The following SND1 variants were observed in gnomAD, a reference collection of about 807,000 sequenced individuals.
The protein encoded by SND1 is staphylococcal nuclease domain-containing protein 1.
SND1 carries 38 observed loss-of-function variants against 121.7 expected under a neutral mutation model. The ratio of observed to expected loss-of-function variants is 0.31; its 90% CI spans 0.24 to 0.41. SND1 has a LOEUF of 0.41. SND1 is among the 10% of genes least tolerant of loss of function. The pLI, the probability that SND1 is intolerant of heterozygous loss-of-function variation, is 1.00. For synonymous variants in SND1, 401 were observed against 447.4 expected (o/e 0.90, Z 1.31); for missense variants, 868 against 1,184.6 (o/e 0.73, Z 3.92).
chr7:127,787,368 G>C (rs892146577), intron 10 of SND1, among the ~76,000 whole-genome samples: 6 of 152,100 alleles, frequency 3.9e-5, no homozygotes, highest in Non-Finnish European at 7.4e-5. Context: ...CCAAGTACCT[G>C]GTTCTACAGC....
chr7:127,746,460 AG>A (rs780904767), intron 10 of SND1, among the ~76,000 whole-genome samples: 4 of 152,136 alleles, frequency 2.6e-5, no homozygotes, highest in Non-Finnish European at 4.4e-5. Context: ...TTATGATTTG[AG>A]GTGGGAGTGA....
chr7:127,746,481 A>G (rs1796984874), intron 10 of SND1, among the ~76,000 whole-genome samples: 1 of 152,182 alleles, frequency 6.6e-6, no homozygotes, highest in Admixed American at 6.5e-5. Context: ...AATAGCAGGA[A>G]CCAATGAATG....
At chr7:127,764,056 A>AAAAAAAAAAAAAAAAAAAAAAAAAC (rs1554422863) in intron 10 of SND1, among the ~76,000 whole-genome samples, 8 of 135,262 alleles carry the variant, frequency 5.9e-5, no homozygotes, top group Non-Finnish European at 8.1e-5. Context: ...AAAAAAACAA[A>AAAAAAAAAAAAAAAAAAAAAAAAAC]AAAACAAAAA....
intron 16 of SND1, among the ~76,000 whole-genome samples, chr7:127,994,609 AGCCT>A (rs1407951102): frequency 7.2e-6 from 1 of 139,546 alleles, no homozygotes; most frequent in African/African-American, 2.6e-5. Flanking sequence ...CTTTCTTTCT[AGCCT>A]GACTCCGCTG....
At chr7:127,714,162 C>T (rs1796345651) in intron 9 of SND1, among the ~76,000 whole-genome samples, 1 of 152,122 alleles carries the variant, frequency 6.6e-6, no homozygotes, top group Non-Finnish European at 1.5e-5. Context: ...AGGCTTCTTG[C>T]TTGGTCCTCT....
At chr7:127,941,624 G>A (rs3808078) in intron 15 of SND1, among the ~76,000 whole-genome samples, 43,063 of 152,018 alleles carry the variant, frequency 0.28, 7,635 homozygotes, top group East Asian at 0.7. Flanking sequence ...TCTTCTCTGT[G>A]TGTGTTTTGG....
intron 4 of SND1, 94 bp downstream of exon 4, chr7:127,699,047 G>T (rs576622173): frequency 1.3e-4 from 120 of 948,380 alleles, no homozygotes; most frequent in Middle Eastern, 7.5e-4. Context: ...AACTGCAGGG[G>T]CTTTCACACC....
chr7:127,710,470 A>G (rs936565794), intron 9 of SND1, among the ~76,000 whole-genome samples: 1 of 151,114 alleles, frequency 6.6e-6, no homozygotes, highest in African/African-American at 2.4e-5. Flanking sequence ...AAAAGTCAGC[A>G]ATGTTCTTAG....
intron 15 of SND1, among the ~76,000 whole-genome samples, chr7:127,958,881 A>G (rs1801661229): frequency 6.6e-6 from 1 of 152,186 alleles, no homozygotes; most frequent in South Asian, 2.1e-4. Flanking sequence ...ACACATAGAA[A>G]GTGTCACCTG....
intron 15 of SND1, among the ~76,000 whole-genome samples, chr7:127,983,885 A>C (rs1292205678): frequency 6.6e-6 from 1 of 152,078 alleles, no homozygotes. Flanking sequence ...CCCCACACTA[A>C]GTTTTTCCGA....
At position 128,075,939 on chromosome 7, in the gene SND1, A is replaced by G. The variant is rs61391940; in HGVS notation, c.1968+1249A>G. ...CACCCCCATGTCCTCTGCCTGCTGC[A>G]GGGAGAGGGGGGGAGGGGCAGCGCT... On this transcript the variant is annotated intron_variant, in intron 17 of 23. Coordinates refer to ENST00000354725, the MANE Select transcript of SND1 (RefSeq NM_014390.4). Among the ~76,000 whole-genome samples the G allele has an allele frequency of 5.7e-3, 863 of 152,314 alleles. 13 individuals are homozygous for G. Among genetic ancestry groups the G allele is most frequent in the African/African-American group, 0.02 (823 of 41,572 alleles).
At chr7:128,018,995 T>A (rs1161811239) in intron 16 of SND1, among the ~76,000 whole-genome samples, 1 of 152,204 alleles carries the variant, frequency 6.6e-6, no homozygotes, top group Admixed American at 6.5e-5. Flanking sequence ...TTACTTCCCA[T>A]GAACTTATTA....
intron 11 of SND1, among the ~76,000 whole-genome samples, chr7:127,807,888 C>T (rs1414564887): frequency 6.6e-6 from 1 of 152,142 alleles, no homozygotes; most frequent in Non-Finnish European, 1.5e-5. Context: ...CTCCAGCCAC[C>T]TTCATTAAAT....
intron 1 of SND1, among the ~76,000 whole-genome samples, chr7:127,679,796 A>C (rs755216977): frequency 1.1e-4 from 16 of 152,200 alleles, no homozygotes; most frequent in Non-Finnish European, 2.2e-4. Flanking sequence ...TTATATTCCA[A>C]TTGTATGGAT....
intron 16 of SND1, among the ~76,000 whole-genome samples, chr7:128,005,439 G>A (rs747802897): frequency 2.0e-5 from 3 of 152,054 alleles, no homozygotes; most frequent in Admixed American, 6.6e-5. Flanking sequence ...TCTTTCACCC[G>A]CCCCCTTGTG....
At chr7:127,713,376 C>A (rs1263037080) in intron 9 of SND1, among the ~76,000 whole-genome samples, 2 of 152,224 alleles carry the variant, frequency 1.3e-5, no homozygotes, top group African/African-American at 4.8e-5. Context: ...AGTTCTGTAT[C>A]ATTTTACCTG....
At chr7:127,935,826 C>G (rs1801050049) in intron 15 of SND1, among the ~76,000 whole-genome samples, 1 of 152,158 alleles carries the variant, frequency 6.6e-6, no homozygotes, top group African/African-American at 2.4e-5. Context: ...GGTTGTGATT[C>G]TCAAGGGGAA....
chr7:127,917,876 A>T, intron 14 of SND1, among the ~76,000 whole-genome samples: 1 of 152,202 alleles, frequency 6.6e-6, no homozygotes, highest in East Asian at 1.9e-4. Context: ...TACAGACTTT[A>T]TTATAGCATC....
intron 17 of SND1, among the ~76,000 whole-genome samples, chr7:128,075,637 T>C (rs1444100941): frequency 1.3e-5 from 2 of 152,092 alleles, no homozygotes; most frequent in African/African-American, 2.4e-5. Context: ...CCCCTGGGGA[T>C]TGGGGCAGGC....
Sources: gnomAD v4.1 joint callset for allele counts (sites outside exome capture counted in the v4.1 genomes callset) on GRCh38, gnomAD v4.1.1 for gene constraint, MANE v1.5 for transcripts, NCBI Gene and HGNC (gene_info 2026-07-23, HGNC 2026-07-21) for gene names.